Variants in IVD observed in about 807,000 individuals in gnomAD.
IVD encodes the protein isovaleryl-CoA dehydrogenase.
Under a neutral mutation model 51.3 loss-of-function variants are expected in IVD, and 31 were observed. That is an observed-to-expected ratio of 0.60 (90% CI 0.45 to 0.81). The LOEUF is 0.81. Among genes scored for constraint, IVD ranks in the 40% least tolerant of loss-of-function variants. The pLI, the probability that IVD is intolerant of heterozygous loss-of-function variation, is 0.00. For missense variants in IVD, 475 were observed against 552.0 expected, an observed-to-expected ratio of 0.86 and a Z score of 1.40; for synonymous variants, 205 against 219.4, an observed-to-expected ratio of 0.93 and a Z score of 0.58.
Position 40,420,692 on chromosome 15 carries a change from A to C in IVD, c.*2429A>C. ...CTTACAGCCAGAAGGAAGCTTATAGATTTCTGAAAACCGCCCCTTTGTTTT... is the reference window on the plus strand; with the variant it reads ...CTTACAGCCAGAAGGAAGCTTATAGCTTTCTGAAAACCGCCCCTTTGTTTT... On this transcript the variant is annotated 3_prime_UTR_variant, in exon 12 of 12. Coordinates refer to ENST00000487418, the MANE Select transcript of IVD (RefSeq NM_002225.5). The C allele has an allele frequency of 9.1e-6, 9 of 986,900 alleles. No individual in the cohort carries two copies. The highest frequency in any genetic ancestry group is 1.1e-5 in the Non-Finnish European group (9 of 830,100). The allele number at this position is 986,900 out of a possible 1,614,324, so 61.1% of individuals were successfully genotyped here.
intron 3 of IVD, 70 bp from the exon 4 acceptor site, chr15:40,410,558 A>G (rs1890952393): frequency 6.4e-7 from 1 of 1,570,732 alleles, no homozygotes; most frequent in African/African-American, 1.4e-5. Flanking sequence ...GTCAAATGTA[A>G]GATTCTTAAT....
chr15:40,417,161 G>A (rs111870720), intron 11 of IVD, among the ~76,000 whole-genome samples: 1,510 of 145,126 alleles, frequency 0.01, 39 homozygotes, highest in African/African-American at 0.037. Context: ...CGGAGATCGC[G>A]CCATTGCACT....
chr15:40,433,112 C>T (rs775303617), intron 7 of IVD, among the ~76,000 whole-genome samples: 6 of 152,004 alleles, frequency 3.9e-5, no homozygotes, highest in Non-Finnish European at 7.4e-5. Flanking sequence ...TTAACCACTA[C>T]GCTATGTGAA....
chr15:40,411,242 T>C lies in IVD; in HGVS notation c.457-18T>C. On this transcript the variant is annotated intron_variant, in intron 4 of 11. Coordinates refer to ENST00000487418, the MANE Select transcript of IVD (RefSeq NM_002225.5). The stretch of plus-strand genomic sequence containing the variant: ...ACTCTGAGGTTGTAACAAGGCCTGT[T>C]GGGGGTTTTCCTTGCAGCTGATCAG... 1 of 1,613,164 alleles carries C rather than the reference T, an allele frequency of 6.2e-7. No homozygotes were observed. The highest frequency in any genetic ancestry group is 8.5e-7 in the Non-Finnish European group (1 of 1,179,200).
In IVD at chr15:40,419,080, G is replaced by T; in HGVS notation, c.*817G>T. The T allele has an allele frequency of 8.8e-7, 1 of 1,133,204 alleles. No homozygotes were observed. The highest frequency in any genetic ancestry group is 1.2e-6 in the Non-Finnish European group (1 of 847,340). 70.2% of individuals were successfully genotyped at this position (1,133,204 alleles called of 1,614,324 possible). A position where few individuals can be genotyped will look rare whatever the true frequency, so the allele number is the denominator to read the frequency against. On this transcript the variant is annotated 3_prime_UTR_variant, in exon 12 of 12. Coordinates refer to ENST00000487418, the MANE Select transcript of IVD (RefSeq NM_002225.5). ...GAACCCAGGAGGCGGACGTTGCAGT[G>T]AGCCGAGCTTGTGCCATTGCACTCC...
At chr15:40,427,813 C>G (rs1892757292), downstream of IVD, among the ~76,000 whole-genome samples, 1 of 152,132 alleles carries the variant, frequency 6.6e-6, no homozygotes. Flanking sequence ...CCTGCCCAGC[C>G]CCTCCTTTCT....
At chr15:40,424,328 C>A (rs1339654398), downstream of IVD, 2 of 500,626 alleles carry the variant, frequency 4.0e-6, no homozygotes, top group Admixed American at 3.5e-5. Context: ...GCAAGGAGTC[C>A]TCACTGCCAT....
chr15:40,415,444 G>T lies in IVD; in HGVS notation c.922G>T (p.Val308Leu). The change falls in exon 9 of 12, where the codon GTG (valine) becomes TTG (leucine). Residue 308 changes from valine (V) to leucine (L), a missense_variant. Physicochemically the swap from Val to Leu is conservative, Grantham distance 32. Coordinates refer to ENST00000487418, the MANE Select transcript of IVD (RefSeq NM_002225.5). The part of the protein sequence containing the change: ...VLDHTIPYLH[V>L]REAFGQKIGH... ...GGACCACACCATTCCCTACCTGCAC[G>T]TGAGGGAAGCCTTTGGCCAGAAGAT... 6.2e-7 allele frequency: 1 copy of T among 1,614,182 alleles called. No homozygotes were observed. Among genetic ancestry groups the T allele is most frequent in the Non-Finnish European group, 8.5e-7 (1 of 1,180,036 alleles).
chr15:40,416,300 G>A lies in IVD; in HGVS notation c.1076G>A (p.Gly359Asp). 6.2e-7 allele frequency: 1 copy of A among 1,614,252 alleles called. No homozygotes were observed. The highest frequency in any genetic ancestry group is 8.5e-7 in the Non-Finnish European group (1 of 1,180,044). The change falls in exon 11 of 12, where the codon GGT (glycine) becomes GAT (aspartate). Residue 359 changes from glycine (G) to aspartate (D), a missense_variant. Physicochemically the swap from Gly to Asp is moderately conservative, Grantham distance 94. Transcript: ENST00000487418. ...AGCTTCCTCCCGTAGGACTGTGCAG[G>A]TGTGATTCTTTACTCAGCTGAGTGT... ...EGHCTAKDCAGVILYSAECAT... is the reference protein window; with the variant it reads ...EGHCTAKDCADVILYSAECAT...
intron 3 of IVD, among the ~76,000 whole-genome samples, chr15:40,410,305 C>T (rs1001290443): frequency 1.3e-5 from 2 of 152,210 alleles, no homozygotes; most frequent in African/African-American, 4.8e-5. Context: ...ATTTATTCAT[C>T]TGCCTCTGCA....
chr15:40,417,726 C>T (rs1193459254), intron 11 of IVD, among the ~76,000 whole-genome samples: 1 of 152,162 alleles, frequency 6.6e-6, no homozygotes, highest in Non-Finnish European at 1.5e-5. Flanking sequence ...TGCCTGTGTT[C>T]AAGTAACTCT....
chr15:40,432,767 G>C (rs1226543588), intron 7 of IVD, among the ~76,000 whole-genome samples: 1 of 152,252 alleles, frequency 6.6e-6, no homozygotes, highest in South Asian at 2.1e-4. Flanking sequence ...GCCATGGGAA[G>C]AGGGGCTGGC....
intron 7 of IVD, among the ~76,000 whole-genome samples, chr15:40,432,057 A>C (rs1230827357): frequency 1.4e-5 from 2 of 145,404 alleles, no homozygotes; most frequent in Non-Finnish European, 3.0e-5. Flanking sequence ...TCCACCCCCC[A>C]GGTTCAAGCG....
downstream of IVD, among the ~76,000 whole-genome samples, chr15:40,424,887 A>C (rs571223750): frequency 1.3e-5 from 2 of 152,320 alleles, no homozygotes; most frequent in Admixed American, 1.3e-4. Flanking sequence ...GAATGAGTGA[A>C]ATGACAGGTG....
chr15:40,424,117 T>C (rs1443449421), downstream of IVD: 1 of 1,272,802 alleles, frequency 7.9e-7, no homozygotes. Flanking sequence ...TCCTGCCAAC[T>C]TGCCTTCCTT....
intron 7 of IVD, among the ~76,000 whole-genome samples, chr15:40,433,123 A>G (rs1000694103): frequency 3.3e-5 from 5 of 152,222 alleles, no homozygotes; most frequent in African/African-American, 1.2e-4. Context: ...GCTATGTGAA[A>G]TGTAGAAAGA....
Position 40,407,995 on chromosome 15 carries a change from G to T in IVD, c.286+5G>T, listed in dbSNP as rs878909737. The T allele has an allele frequency of 3.1e-6, 5 of 1,613,610 alleles. No individual in the cohort carries two copies. Among genetic ancestry groups the T allele is most frequent in the Non-Finnish European group, 2.5e-6 (3 of 1,179,642 alleles). On this transcript the variant is annotated splice_donor_5th_base_variant and intron_variant, in intron 3 of 11. Transcript: ENST00000487418. ...TATTGGGCATCACAGCCCCTGGTGA[G>T]TATAGTGTCTTTCCCTAAAAAGAAC...
chr15:40,414,505 G>T (rs1891437415), intron 7 of IVD: 1 of 305,112 alleles, frequency 3.3e-6, no homozygotes. Flanking sequence ...GACCAGAGCT[G>T]ACTCCACCTG....
rs372974651 is a variant in IVD at position 40,411,262 on chromosome 15, G to C, written c.459G>C (p.Leu153=). 3 of 1,614,164 alleles carry C rather than the reference G, an allele frequency of 1.9e-6. No individual in the cohort carries two copies. The highest frequency in any genetic ancestry group is 2.7e-5 in the African/African-American group (2 of 75,044). The change falls in exon 5 of 12, where the codon CTG becomes CTC. Residue 153 remains leucine (L), a splice_region_variant and synonymous_variant. Transcript: ENST00000487418. ...CCTGTTGGGGGTTTTCCTTGCAGCTGATCAGTGGTGAGTACATCGGAGCCC... is the reference window on the plus strand; with the variant it reads ...CCTGTTGGGGGTTTTCCTTGCAGCTCATCAGTGGTGAGTACATCGGAGCCC... ...EAQKEKYLPK[L]ISGEYIGALA... is the part of the protein sequence containing the mutation.
Sources: allele counts gnomAD v4.1 joint callset (sites outside exome capture counted in the v4.1 genomes callset), GRCh38; gene constraint gnomAD v4.1.1; transcripts MANE v1.5; gene names NCBI Gene and HGNC (gene_info 2026-07-23, HGNC 2026-07-21).